Variants in KIAA1671 observed in about 807,000 individuals in gnomAD.
KIAA1671 encodes KIAA1671, also known as uncharacterized protein KIAA1671.
In KIAA1671, 52 loss-of-function variants were observed where a neutral mutation model predicts 131.2. The observed-to-expected ratio is 0.40, with a 90% CI of 0.32 to 0.50. The LOEUF is 0.50. KIAA1671 is among the 20% of genes least tolerant of loss of function. KIAA1671 has a pLI of 0.73. For missense variants in KIAA1671, 2,360 were observed against 2,364.2 expected, an observed-to-expected ratio of 1.00 and a Z score of 0.04; for synonymous variants, 1,003 against 961.6, an observed-to-expected ratio of 1.04 and a Z score of -0.80.
In KIAA1671 at chr22:25,196,079, A is replaced by G. The variant is rs1934817497; in HGVS notation, c.*3678A>G. The G allele has an allele frequency of 6.6e-6, 1 of 152,162 alleles. No individual in the cohort carries two copies. Among genetic ancestry groups the G allele is most frequent in the Non-Finnish European group, 1.5e-5 (1 of 68,040 alleles). 9.4% of individuals were successfully genotyped at this position (152,162 alleles called of 1,614,324 possible). On this transcript the variant is annotated 3_prime_UTR_variant, in exon 13 of 13. Transcript: ENST00000358431. Reference sequence around the variant, plus strand: ...GGGTGGGCTCAGGAAGTTTAGAGCCACGTAAAAAGCTGGTAGGCATGAGTG... The same window carrying G: ...GGGTGGGCTCAGGAAGTTTAGAGCCGCGTAAAAAGCTGGTAGGCATGAGTG...
At chr22:25,131,583 C>A (rs1445410712) in intron 6 of KIAA1671, among the ~76,000 whole-genome samples, 1 of 152,250 alleles carries the variant, frequency 6.6e-6, no homozygotes, top group Non-Finnish European at 1.5e-5. Flanking sequence ...GCTGATGTCA[C>A]CCTGGGAAGC....
At chr22:25,152,887 G>A (rs1218847645) in intron 6 of KIAA1671, among the ~76,000 whole-genome samples, 1 of 151,986 alleles carries the variant, frequency 6.6e-6, no homozygotes, top group Non-Finnish European at 1.5e-5. Flanking sequence ...TTATAGGTGT[G>A]AGCCACCATG....
Position 25,177,431 on chromosome 22 carries a change from C to T in KIAA1671, c.4983C>T (p.His1661=). 2 of 1,551,778 alleles carry T rather than the reference C, an allele frequency of 1.3e-6. No homozygotes were observed. Among genetic ancestry groups the T allele is most frequent in the Non-Finnish European group, 1.7e-6 (2 of 1,147,018 alleles). ...GCCGCCGCCGGGCCCCCATCTCCCACTCCCTCCGGCGCAGCCGATTTAGTG... is the reference window on the plus strand; with the variant it reads ...GCCGCCGCCGGGCCCCCATCTCCCATTCCCTCCGGCGCAGCCGATTTAGTG... ...KRSRRRAPIS[H]SLRRSRFSES... is the part of the protein sequence containing the mutation. Residue 1661 remains histidine, a synonymous_variant, in exon 9 of 13, where the codon CAC becomes CAT. Coordinates refer to ENST00000358431, the MANE Select transcript of KIAA1671 (RefSeq NM_001145206.2).
intron 1 of KIAA1671, among the ~76,000 whole-genome samples, chr22:25,021,355 G>T (rs1925655709): frequency 6.6e-6 from 1 of 151,964 alleles, no homozygotes; most frequent in Non-Finnish European, 1.5e-5. Context: ...CATTGCGCCT[G>T]GCCAGAGGCT....
At chr22:24,960,704 C>T (rs1258259450) in intron 1 of KIAA1671, among the ~76,000 whole-genome samples, 1 of 139,744 alleles carries the variant, frequency 7.2e-6, no homozygotes, top group Admixed American at 7.3e-5. Context: ...CAGTTAACAT[C>T]CCTGTTGACA....
intron 1 of KIAA1671, chr22:25,024,735 A>G (rs1407398726): frequency 6.6e-6 from 1 of 152,172 alleles, no homozygotes. Flanking sequence ...TTCAGTAATC[A>G]TGTATCTGGT....
At chr22:25,117,378 C>G (rs986171904) in intron 6 of KIAA1671, among the ~76,000 whole-genome samples, 3 of 152,048 alleles carry the variant, frequency 2.0e-5, no homozygotes, top group African/African-American at 7.2e-5. Context: ...GACTGGGGAT[C>G]CATGAAGTGG....
At chr22:25,141,364 C>A (rs561098624) in intron 6 of KIAA1671, among the ~76,000 whole-genome samples, 1 of 151,978 alleles carries the variant, frequency 6.6e-6, no homozygotes, top group African/African-American at 2.4e-5. Context: ...TCCTGAGTAG[C>A]TGGGACTACA....
chr22:24,959,043 G>A (rs1372805915), intron 1 of KIAA1671, among the ~76,000 whole-genome samples: 2 of 151,280 alleles, frequency 1.3e-5, no homozygotes. Context: ...GTCAGGCTGT[G>A]TCCCATCTAA....
intron 1 of KIAA1671, among the ~76,000 whole-genome samples, chr22:25,003,792 A>G (rs1304891993): frequency 6.6e-6 from 1 of 151,550 alleles, no homozygotes; most frequent in Admixed American, 6.6e-5. Context: ...TCAAATTTAT[A>G]TACCCATCCA....
chr22:25,195,804 T>A lies in KIAA1671; in HGVS notation c.*3403T>A, dbSNP rs926662905. Reference sequence around the variant, plus strand: ...AATTGCAAACTGTAAAAATCCCTCCTCCCCAGTGTAGATATTTAAACCAGA... The same window carrying A: ...AATTGCAAACTGTAAAAATCCCTCCACCCCAGTGTAGATATTTAAACCAGA... On this transcript the variant is annotated 3_prime_UTR_variant, in exon 13 of 13. Coordinates refer to ENST00000358431, the MANE Select transcript of KIAA1671 (RefSeq NM_001145206.2). 2 of 151,112 alleles carry A rather than the reference T, an allele frequency of 1.3e-5. No individual in the cohort carries two copies. The allele number at this position is 151,112 out of a possible 1,614,324, so 9.4% of individuals were successfully genotyped here.
At chr22:24,970,628 T>C (rs117999965) in intron 1 of KIAA1671, among the ~76,000 whole-genome samples, 60 of 151,546 alleles carry the variant, frequency 4.0e-4, no homozygotes, top group African/African-American at 1.4e-3. Context: ...CATCATCTAG[T>C]ACAGGGGTCC....
chr22:25,000,209 T>TAATG (rs1241803812), intron 1 of KIAA1671, among the ~76,000 whole-genome samples: 3 of 72,272 alleles, frequency 4.2e-5, no homozygotes, highest in Admixed American at 1.4e-4. Context: ...TTTTTTTTTT[T>TAATG]TTGAGACGGA....
chr22:25,104,014 T>C (rs1248585280), intron 6 of KIAA1671, among the ~76,000 whole-genome samples: 1 of 152,196 alleles, frequency 6.6e-6, no homozygotes, highest in East Asian at 1.9e-4. Flanking sequence ...AATCTTGCTC[T>C]GTTGCCCAGG....
intron 6 of KIAA1671, among the ~76,000 whole-genome samples, chr22:25,157,798 TA>T: frequency 6.8e-6 from 1 of 146,786 alleles, no homozygotes; most frequent in African/African-American, 2.7e-5. Flanking sequence ...ACACTGCACA[TA>T]GTTTTTTTTT....
intron 6 of KIAA1671, among the ~76,000 whole-genome samples, chr22:25,129,659 C>CT (rs72236192): frequency 8.8e-4 from 117 of 133,432 alleles, no homozygotes; most frequent in East Asian, 4.4e-3. Flanking sequence ...TTCTCTTTTC[C>CT]TTTTTTTTTT....
chr22:25,007,923 C>T (rs1039479985), intron 1 of KIAA1671, among the ~76,000 whole-genome samples: 19 of 152,136 alleles, frequency 1.2e-4, no homozygotes, highest in Admixed American at 2.0e-4. Flanking sequence ...CGGCCAGGCA[C>T]GGTGGCTCAC....
chr22:24,993,641 T>G (rs1044441878), intron 1 of KIAA1671, among the ~76,000 whole-genome samples: 2 of 152,220 alleles, frequency 1.3e-5, no homozygotes, highest in African/African-American at 4.8e-5. Context: ...TTGCCTGTCT[T>G]TTCCACCTTC....
At chr22:25,025,560 G>T (rs1925903220) in intron 1 of KIAA1671, 73 bp from the exon 2 acceptor site, 1 of 152,210 alleles carries the variant, frequency 6.6e-6, no homozygotes, top group Non-Finnish European at 1.5e-5. Context: ...TTTGGAGCTT[G>T]AAAGCTTTTG....
Sources: allele counts gnomAD v4.1 joint callset (sites outside exome capture counted in the v4.1 genomes callset), GRCh38; gene constraint gnomAD v4.1.1; transcripts MANE v1.5; gene names NCBI Gene and HGNC (gene_info 2026-07-23, HGNC 2026-07-21).